The following SULT4A1 variants were observed in gnomAD, a reference collection of about 807,000 sequenced individuals.
SULT4A1 encodes the protein sulfotransferase family 4A member 1, also known as sulfotransferase 4A1.
In SULT4A1, 11 loss-of-function variants were observed where a neutral mutation model predicts 35.2. The observed-to-expected ratio is 0.31, with a 90% confidence interval of 0.20 to 0.52. SULT4A1 has a LOEUF of 0.52. SULT4A1 is among the 20% of genes least tolerant of loss of function. The pLI, the probability that SULT4A1 is intolerant of heterozygous loss-of-function variation, is 0.97. For synonymous variants in SULT4A1, 152 were observed against 151.8 expected (o/e 1.00, Z -0.01); for missense variants, 271 against 383.7 (o/e 0.71, Z 2.45).
At chr22:43,826,199 A>C in intron 6 of SULT4A1, 86 bp from the exon 7 acceptor site, 8 of 1,580,992 alleles carry the variant, frequency 5.1e-6, no homozygotes, top group Non-Finnish European at 6.9e-6. Context: ...TGGATCTGGA[A>C]CATTCCAGAT....
chr22:43,856,918 G>A (rs1240957875), intron 1 of SULT4A1, among the ~76,000 whole-genome samples: 4 of 152,012 alleles, frequency 2.6e-5, no homozygotes, highest in Non-Finnish European at 2.9e-5. Context: ...CAGTCAAAAG[G>A]TACTATTCAC....
At position 43,833,687 on chromosome 22, in the gene SULT4A1, G is replaced by A. The variant is rs772050368; in HGVS notation, c.556C>T (p.Arg186Cys). 6.5e-5 allele frequency: 103 copies of A among 1,590,896 alleles called. No homozygotes were observed. Among genetic ancestry groups the A allele is most frequent in the Middle Eastern group, 1.7e-4 (1 of 6,044 alleles). ...AGAAAAAGCACGTTCGAGTCCATGC[G>A]GTGCTCCCAGAACTCCTGCACGTGC... ...FEHVQEFWEH[R>C]MDSNVLFLKY... The change falls in exon 5 of 7, where the codon CGC (arginine) becomes TGC (cysteine). Residue 186 changes from arginine (R) to cysteine (C), a missense_variant. This residue lies in a region of SULT4A1 where 75 missense variants were observed against 67.7 expected (regional missense o/e 1.11). Coordinates refer to ENST00000330884, the MANE Select transcript of SULT4A1 (RefSeq NM_014351.4).
At chr22:43,829,683 C>T (rs1417928093) in intron 5 of SULT4A1, among the ~76,000 whole-genome samples, 2 of 152,212 alleles carry the variant, frequency 1.3e-5, no homozygotes, top group Non-Finnish European at 2.9e-5. Flanking sequence ...TCATGCCTGC[C>T]ATACCCTGCC....
intron 1 of SULT4A1, among the ~76,000 whole-genome samples, chr22:43,852,600 CAAAAGG>C (rs1434117563): frequency 2.6e-5 from 4 of 152,068 alleles, no homozygotes; most frequent in Non-Finnish European, 4.4e-5. Flanking sequence ...TCCCCACCTC[CAAAAGG>C]AAAAGGAAAA....
Position 43,825,147 on chromosome 22 carries a change from C to G in SULT4A1, c.*854G>C, listed in dbSNP as rs1225191635. 1 of 152,216 alleles carries G rather than the reference C, an allele frequency of 6.6e-6. No individual in the cohort carries two copies. The highest frequency in any genetic ancestry group is 1.5e-5 in the Non-Finnish European group (1 of 68,050). The allele number at this position is 152,216 out of a possible 1,614,324, so 9.4% of individuals were successfully genotyped here. A position where few individuals can be genotyped will look rare whatever the true frequency, so the allele number is the denominator to read the frequency against. On this transcript the variant is annotated 3_prime_UTR_variant, in exon 7 of 7. Transcript: ENST00000330884. ...GCATCTGCTTGCCAGCATTAGTAGG[C>G]TATCACTTCAGGAAACAAAGTAAGG...
At chr22:43,846,396 G>T (rs556009983) in intron 1 of SULT4A1, among the ~76,000 whole-genome samples, 1 of 152,336 alleles carries the variant, frequency 6.6e-6, no homozygotes, top group Admixed American at 6.5e-5. Flanking sequence ...AAGGACAGAG[G>T]CTGTTTTGTC....
chr22:43,841,405 T>C (rs1412150263), intron 2 of SULT4A1, among the ~76,000 whole-genome samples: 2 of 151,652 alleles, frequency 1.3e-5, no homozygotes, highest in Admixed American at 1.3e-4. Context: ...GTCTGAGGGG[T>C]GCGGGGAGCA....
chr22:43,840,686 C>G (rs890752917), intron 2 of SULT4A1, among the ~76,000 whole-genome samples: 1 of 152,160 alleles, frequency 6.6e-6, no homozygotes, highest in Non-Finnish European at 1.5e-5. Flanking sequence ...ACCTGCCCCT[C>G]GGGCCTTCCC....
intron 4 of SULT4A1, 118 bp from the exon 5 acceptor site, chr22:43,833,852 G>A (rs912140558): frequency 3.1e-5 from 26 of 835,990 alleles, no homozygotes; most frequent in African/African-American, 3.4e-5. Context: ...TGAGGACATC[G>A]TGATCCCTGC....
In SULT4A1 at chr22:43,848,868, A is replaced by T. The variant is rs567875973; in HGVS notation, c.170-6936T>A. Among the ~76,000 whole-genome samples, 8 of 152,350 alleles carry T rather than the reference A, an allele frequency of 5.3e-5. No individual in the cohort carries two copies. In the East Asian group the frequency reaches 1.2e-3, roughly 22 times the overall value. On this transcript the variant is annotated intron_variant, in intron 1 of 6. Coordinates refer to ENST00000330884, the MANE Select transcript of SULT4A1 (RefSeq NM_014351.4). ...AGAGTCAAGCTTTCAAACAGAAACC[A>T]GGGGAGCCAACAGGGCAGAGCCACC...
intron 1 of SULT4A1, among the ~76,000 whole-genome samples, chr22:43,846,970 C>A (rs746580501): frequency 3.3e-5 from 5 of 152,278 alleles, no homozygotes; most frequent in African/African-American, 1.2e-4. Flanking sequence ...ACATCAATAT[C>A]GGCCACTTCA....
intron 6 of SULT4A1, 167 bp downstream of exon 6, chr22:43,828,889 GCCAT>G (rs1233053868): frequency 1.3e-4 from 88 of 671,210 alleles, no homozygotes; most frequent in Non-Finnish European, 1.7e-4. Context: ...TGAGCACTGT[GCCAT>G]CCATGGGCAC....
At chr22:43,828,353 C>A (rs539523198) in intron 6 of SULT4A1, among the ~76,000 whole-genome samples, 1 of 152,244 alleles carries the variant, frequency 6.6e-6, no homozygotes, top group Non-Finnish European at 1.5e-5. Flanking sequence ...ATGCCACACA[C>A]CCTTAAGGAC....
intron 1 of SULT4A1, among the ~76,000 whole-genome samples, chr22:43,857,356 G>C (rs2049413072): frequency 8.8e-6 from 1 of 113,752 alleles, no homozygotes; most frequent in South Asian, 3.3e-4. Context: ...GAGCAGCACA[G>C]TGAGATCCTG....
Position 43,833,365 on chromosome 22 carries a change from CT to C in SULT4A1, c.603+274del, listed in dbSNP as rs559881387. Among the ~76,000 whole-genome samples, 167 of 152,232 alleles carry C rather than the reference CT, an allele frequency of 1.1e-3. 2 individuals carry two copies. The highest frequency in any genetic ancestry group is 3.6e-3 in the African/African-American group (149 of 41,552). On this transcript the variant is annotated intron_variant, in intron 5 of 6. Transcript: ENST00000330884. The stretch of plus-strand genomic sequence containing the variant: ...CACTGTAAAGCACTCCAAAGGCCCC[CT>C]GATAAGCCAAGCCCCAGTCCCCTCC...
intron 1 of SULT4A1, among the ~76,000 whole-genome samples, chr22:43,846,570 T>C (rs1186030671): frequency 6.6e-6 from 1 of 152,224 alleles, no homozygotes; most frequent in Non-Finnish European, 1.5e-5. Context: ...GCAAAGGCAC[T>C]GAAGGAAGGA....
chr22:43,856,579 G>A lies in SULT4A1; in HGVS notation c.169+5635C>T, dbSNP rs568676866. Among the ~76,000 whole-genome samples, 83 of 152,292 alleles carry A rather than the reference G, an allele frequency of 5.5e-4. 3 individuals are homozygous for A. The highest frequency in any genetic ancestry group is 5.0e-3 in the South Asian group (24 of 4,824). On this transcript the variant is annotated intron_variant, in intron 1 of 6. Transcript: ENST00000330884. ...CAAAGTAACAGATAACAGCAGAGTC[G>A]ATCACTGGCACAGGGGCAAGAGTGT... is the stretch of plus-strand genomic sequence containing the variant.
intron 3 of SULT4A1, among the ~76,000 whole-genome samples, chr22:43,839,617 C>G (rs1053911966): frequency 6.6e-6 from 1 of 152,096 alleles, no homozygotes; most frequent in African/African-American, 2.4e-5. Flanking sequence ...AACAAAAAAA[C>G]CCCACAGGCC....
At chr22:43,850,595 TTC>T (rs1332537893) in intron 1 of SULT4A1, among the ~76,000 whole-genome samples, 2 of 152,180 alleles carry the variant, frequency 1.3e-5, no homozygotes, top group African/African-American at 4.8e-5. Flanking sequence ...CATGCCCCTG[TTC>T]CCTCTGCTCT....
Sources: allele counts gnomAD v4.1 joint callset (sites outside exome capture counted in the v4.1 genomes callset), GRCh38; gene constraint gnomAD v4.1.1; regional missense constraint gnomAD v4.1.1; transcripts MANE v1.5; gene names NCBI Gene and HGNC (gene_info 2026-07-23, HGNC 2026-07-21).